ANO1: variants seen among roughly 807,000 people sequenced by gnomAD.
ANO1 encodes anoctamin-1.
In ANO1, 59 loss-of-function variants were observed where a neutral mutation model predicts 124.0. The observed-to-expected ratio is 0.48, with a 90% CI of 0.39 to 0.59. The LOEUF (loss-of-function observed/expected upper bound fraction) is 0.59, where lower values mean the gene tolerates loss of function less well. ANO1 is among the 20% of genes least tolerant of loss of function. The pLI, the probability that ANO1 is intolerant of heterozygous loss-of-function variation, is 0.00. For synonymous variants in ANO1, 529 were observed against 532.0 expected, an observed-to-expected ratio of 0.99 and a Z score of 0.08; for missense variants, 1,059 against 1,328.0, an observed-to-expected ratio of 0.80 and a Z score of 3.15.
At chr11:70,177,583 C>CTTTTTTTTTCTT (rs2048756972) in intron 22 of ANO1, among the ~76,000 whole-genome samples, 1 of 126,510 alleles carries the variant, frequency 7.9e-6, no homozygotes, top group African/African-American at 2.9e-5. Context: ...TTTTTCTTTT[C>CTTTTTTTTTCTT]TTTTTTTTTT....
chr11:70,167,973 G>A (rs1254968122), intron 21 of ANO1, among the ~76,000 whole-genome samples: 3 of 152,182 alleles, frequency 2.0e-5, no homozygotes, highest in African/African-American at 7.2e-5. Context: ...GCTCACCTGT[G>A]GGCTGGCGAC....
At chr11:70,146,847 G>A (rs1288755937) in intron 11 of ANO1, among the ~76,000 whole-genome samples, 1 of 152,118 alleles carries the variant, frequency 6.6e-6, no homozygotes, top group African/African-American at 2.4e-5. Context: ...GAAAGATGAA[G>A]GCCGGAAGAC....
At chr11:70,000,734 G>A (rs2015411) in intron 1 of ANO1, among the ~76,000 whole-genome samples, 36,239 of 151,754 alleles carry the variant, frequency 0.24, 4,525 homozygotes, top group African/African-American at 0.3. Flanking sequence ...ATGATAGCCC[G>A]CAACTGGAAG....
chr11:70,073,454 T>C (rs1473508308), upstream of ANO1, among the ~76,000 whole-genome samples: 1 of 152,190 alleles, frequency 6.6e-6, no homozygotes, highest in African/African-American at 2.4e-5. Flanking sequence ...AGCACGGTGC[T>C]GGCTCATAGT....
chr11:70,179,709 T>C (rs899539863), intron 22 of ANO1, among the ~76,000 whole-genome samples: 1 of 152,232 alleles, frequency 6.6e-6, no homozygotes, highest in African/African-American at 2.4e-5. Context: ...CTAAGCGAAC[T>C]AGCATTTAAA....
intron 1 of ANO1, chr11:70,014,728 T>C (rs1478378383): frequency 6.6e-6 from 1 of 152,238 alleles, no homozygotes. Flanking sequence ...CTCGCCGTTT[T>C]CCAAAGCAGC....
intron 11 of ANO1, among the ~76,000 whole-genome samples, chr11:70,148,919 T>A (rs1299116802): frequency 1.3e-5 from 2 of 152,194 alleles, no homozygotes; most frequent in Non-Finnish European, 2.9e-5. Context: ...GCTGGGTTTT[T>A]CTCACATTGA....
At chr11:70,004,582 G>A (rs901101769) in intron 1 of ANO1, among the ~76,000 whole-genome samples, 11 of 152,204 alleles carry the variant, frequency 7.2e-5, no homozygotes, top group African/African-American at 2.7e-4. Flanking sequence ...AAAGCGTGTC[G>A]CGACGTTACG....
chr11:70,069,723 C>A (rs968606382), intron 1 of ANO1, among the ~76,000 whole-genome samples: 2 of 151,782 alleles, frequency 1.3e-5, no homozygotes, highest in African/African-American at 2.4e-5. Context: ...AGAGGCGGGG[C>A]AGGCAGCCCT....
At chr11:69,992,281 C>G (rs1252951285) in intron 1 of ANO1, among the ~76,000 whole-genome samples, 1 of 151,418 alleles carries the variant, frequency 6.6e-6, no homozygotes, top group South Asian at 2.1e-4. Flanking sequence ...GGATGGACAG[C>G]TGGATAGATG....
the ANO1 span, among the ~76,000 whole-genome samples, chr11:69,970,560 C>T: frequency 1.3e-5 from 2 of 152,182 alleles, no homozygotes; most frequent in East Asian, 3.9e-4. Context: ...ATAAGGGGAA[C>T]TCTGTGACCT....
At chr11:69,998,131 G>A (rs1408486221) in intron 1 of ANO1, among the ~76,000 whole-genome samples, 3 of 152,116 alleles carry the variant, frequency 2.0e-5, no homozygotes, top group Admixed American at 6.5e-5. Flanking sequence ...CTCCTCACAC[G>A]GGTTTCTCTC....
intron 1 of ANO1, among the ~76,000 whole-genome samples, chr11:69,988,389 C>T (rs1856089915): frequency 6.6e-6 from 1 of 152,232 alleles, no homozygotes; most frequent in Admixed American, 6.5e-5. Flanking sequence ...TACTTAACCA[C>T]TCTATGCCTT....
At chr11:69,968,496 G>A in the ANO1 span, among the ~76,000 whole-genome samples, 1 of 152,226 alleles carries the variant, frequency 6.6e-6, no homozygotes, top group Non-Finnish European at 1.5e-5. Context: ...GACAGAGGGA[G>A]GAGGAATGTG....
rs148925983 is a variant in ANO1 at position 70,057,966 on chromosome 11, C to T, written c.59-20576C>T. Among the ~76,000 whole-genome samples the T allele has an allele frequency of 3.9e-4, 60 of 152,110 alleles. 1 individual carries two copies. In the East Asian group the frequency reaches 4.8e-3, roughly 12 times the overall value. ...GGCTGTGGTATGGAGAGATAATGGG[C>T]GATGTTTCTCAGGGCTGCTTTGAGC... On this transcript the variant is annotated intron_variant, in intron 1 of 27. Coordinates refer to the ANO1 transcript ENST00000531349.
rs982211178 is a variant in ANO1 at position 70,111,892 on chromosome 11, A to T, written c.855+130A>T. The T allele has an allele frequency of 4.2e-6, 4 of 959,140 alleles. No homozygotes were observed. The Admixed American group carries it at 7.2e-5, about 17-fold the overall frequency. The allele number at this position is 959,140 out of a possible 1,614,324, so 59.4% of individuals were successfully genotyped here. ...CTGCTTGGCTCTCGCTGTAAATGTC[A>T]ACTGTACACAGGCCTTCCCTGTTCC... On this transcript the variant is annotated intron_variant, in intron 7 of 25. Transcript: ENST00000355303.
chr11:70,170,266 C>T, intron 21 of ANO1: 1 of 420,450 alleles, frequency 2.4e-6, no homozygotes, highest in South Asian at 1.7e-5. Flanking sequence ...ACAGGCTGGG[C>T]CTTTGAGCTC....
At chr11:70,165,856 CA>C (rs144987012) in intron 20 of ANO1, among the ~76,000 whole-genome samples, 16,223 of 151,890 alleles carry the variant, frequency 0.11, 969 homozygotes, top group Middle Eastern at 0.18. Context: ...TGCACCTCTA[CA>C]AAAAAATAAA....
At chr11:70,176,296 C>G (rs953857265) in intron 22 of ANO1, among the ~76,000 whole-genome samples, 15 of 151,660 alleles carry the variant, frequency 9.9e-5, no homozygotes, top group African/African-American at 3.6e-4. Context: ...TGCAGGTGTG[C>G]GCCACCAGAT....
Sources: gnomAD v4.1 joint callset for allele counts (sites outside exome capture counted in the v4.1 genomes callset) on GRCh38, gnomAD v4.1.1 for gene constraint, MANE v1.5 for transcripts, NCBI Gene and HGNC (gene_info 2026-07-23, HGNC 2026-07-21) for gene names.